Variants in NDUFS6 observed in about 807,000 individuals in gnomAD.
NDUFS6 encodes NADH:ubiquinone oxidoreductase subunit S6, also known as NADH dehydrogenase [ubiquinone] iron-sulfur protein 6, mitochondrial.
A neutral mutation model predicts 13.2 loss-of-function variants in NDUFS6; 14 were observed. That is an observed-to-expected ratio of 1.06 (90% confidence interval 0.70 to 1.66). NDUFS6 has a LOEUF of 1.66. Among genes scored for constraint, NDUFS6 ranks in the 40% most tolerant of loss-of-function variants. The probability of loss-of-function intolerance (pLI) is 0.00; values close to 1 mark genes in which losing one functional copy is unlikely to be tolerated. For missense variants in NDUFS6, 206 were observed against 170.8 expected (o/e 1.21, Z -1.15); for synonymous variants, 95 against 72.3 (o/e 1.31, Z -1.60).
intron 2 of NDUFS6, among the ~76,000 whole-genome samples, chr5:1,813,999 A>G (rs375989402): frequency 1.4e-4 from 22 of 152,352 alleles, no homozygotes; most frequent in South Asian, 8.3e-4. Context: ...GAGCAATACA[A>G]ATGTCCTCAG....
Position 1,814,667 on chromosome 5 carries a change from T to A in NDUFS6, c.309+206T>A, listed in dbSNP as rs1158272518. The A allele has an allele frequency of 2.5e-6, 2 of 798,326 alleles. No homozygotes were observed. Among genetic ancestry groups the A allele is most frequent in the African/African-American group, 3.4e-5 (2 of 58,908 alleles). The allele number at this position is 798,326 out of a possible 1,614,324, so 49.5% of individuals were successfully genotyped here. A position where few individuals can be genotyped will look rare whatever the true frequency, so the allele number is the denominator to read the frequency against. The stretch of plus-strand genomic sequence containing the variant: ...GCCTGTCCGAAAACCCCCTTTCAAC[T>A]GTGAAGTGGTGGGCGGCATGTTTCT... On this transcript the variant is annotated intron_variant, in intron 3 of 3. Transcript: ENST00000274137. The surrounding 1 kb of genome is among the most constrained non-coding windows in gnomAD (Gnocchi z 4.9).
chr5:1,801,413 G>A lies in NDUFS6; in HGVS notation c.-5G>A, dbSNP rs747251672. On this transcript the variant is annotated 5_prime_UTR_variant, in exon 1 of 4. Coordinates refer to ENST00000274137, the MANE Select transcript of NDUFS6 (RefSeq NM_004553.6). ...TTGCGCCGGGTCAAAGGCCAGCGGC[G>A]CAAAATGGCGGCGGCGATGACCTTC... 3 of 1,605,462 alleles carry A rather than the reference G, an allele frequency of 1.9e-6. No individual in the cohort carries two copies. The highest frequency in any genetic ancestry group is 2.2e-5 in the South Asian group (2 of 90,890).
intron 2 of NDUFS6, among the ~76,000 whole-genome samples, chr5:1,812,711 G>T (rs1402613634): frequency 3.3e-5 from 5 of 151,428 alleles, no homozygotes; most frequent in African/African-American, 9.7e-5. Context: ...GGGCAGCAGG[G>T]GTCCTCATTG....
chr5:1,813,932 G>A (rs1022953324), intron 2 of NDUFS6, among the ~76,000 whole-genome samples: 2 of 152,234 alleles, frequency 1.3e-5, no homozygotes, highest in Non-Finnish European at 2.9e-5. Flanking sequence ...CTGCATGGAG[G>A]TTCTGTGAGA....
Position 1,814,400 on chromosome 5 carries a change from G to C in NDUFS6, c.248G>C (p.Arg83Pro), listed in dbSNP as rs1418466771. Residue 83 changes from arginine (R) to proline (P), a missense_variant, in exon 3 of 4, where the codon CGG (arginine) becomes CCG (proline). Arg to Pro is a moderately radical substitution (Grantham distance 103). Coordinates refer to ENST00000274137, the MANE Select transcript of NDUFS6 (RefSeq NM_004553.6). The surrounding 1 kb of genome is among the most constrained non-coding windows in gnomAD (Gnocchi z 4.9). ...AEQPVSEVET[R>P]VIACDGGGGA... ...CAGCCCGTGAGCGAGGTGGAGACTCGGGTGATAGCGTGCGATGGCGGCGGG... is the reference window on the plus strand; with the variant it reads ...CAGCCCGTGAGCGAGGTGGAGACTCCGGTGATAGCGTGCGATGGCGGCGGG... 10 of 1,613,982 alleles carry C rather than the reference G, an allele frequency of 6.2e-6. No homozygotes were observed. The highest frequency in any genetic ancestry group is 8.5e-6 in the Non-Finnish European group (10 of 1,180,018).
chr5:1,804,470 T>G (rs901605660), intron 2 of NDUFS6, among the ~76,000 whole-genome samples: 1 of 152,222 alleles, frequency 6.6e-6, no homozygotes, highest in Non-Finnish European at 1.5e-5. Context: ...GCGTCCTGGT[T>G]GTGACCTCAA....
chr5:1,802,807 A>AG (rs1056473773), intron 2 of NDUFS6, among the ~76,000 whole-genome samples: 1 of 152,142 alleles, frequency 6.6e-6, no homozygotes, highest in African/African-American at 2.4e-5. Flanking sequence ...TTCTTCCCTT[A>AG]GTGGGTCTGT....
intron 2 of NDUFS6, among the ~76,000 whole-genome samples, chr5:1,812,349 A>G (rs1734230879): frequency 6.6e-6 from 1 of 151,866 alleles, no homozygotes; most frequent in African/African-American, 2.4e-5. Context: ...CAACAGAGGA[A>G]CTTTGGGGGA....
rs184562482 is a variant in NDUFS6, at chr5:1,814,699, G to A, written c.309+238G>A. 4.9e-5 allele frequency: 36 copies of A among 729,078 alleles called. No individual in the cohort carries two copies. Among genetic ancestry groups the A allele is most frequent in the African/African-American group, 6.9e-5 (4 of 57,794 alleles). The allele number at this position is 729,078 out of a possible 1,614,324, so 45.2% of individuals were successfully genotyped here. ...TGGTGGGCGGCATGTTTCTCTTCTC[G>A]GACGCCCAAGCGTCTTTCCTCTCTG... is the stretch of plus-strand genomic sequence containing the variant. On this transcript the variant is annotated intron_variant, in intron 3 of 3. Coordinates refer to ENST00000274137, the MANE Select transcript of NDUFS6 (RefSeq NM_004553.6). The surrounding 1 kb of genome is among the most constrained non-coding windows in gnomAD (Gnocchi z 4.9).
At position 1,814,449 on chromosome 5, in the gene NDUFS6, GTA is replaced by G. The variant is rs773292120; in HGVS notation, c.302_303del (p.Ile101LysfsTer37). On this transcript the variant is annotated frameshift_variant, in exon 3 of 4. Coordinates refer to ENST00000274137, the MANE Select transcript of NDUFS6 (RefSeq NM_004553.6). LOFTEE classifies it high-confidence loss of function. This position sits in a 1 kb window ranked among gnomAD's most constrained non-coding sequence, Gnocchi z 4.9. ...GGGALGHPKVYINLDKETKTG... is the reference protein window; with the variant it reads ...GGGALGHPKVXINLDKETKTG... Reference sequence around the variant, plus strand: ...GGGGAGCTCTTGGCCACCCAAAAGTGTATATAAACTTGGTGCGTAGCTGGCCA... The same window carrying G: ...GGGGAGCTCTTGGCCACCCAAAAGTGTATAAACTTGGTGCGTAGCTGGCCA... 6.2e-7 allele frequency: 1 copy of G among 1,614,200 alleles called. No individual in the cohort carries two copies. The highest frequency in any genetic ancestry group is 8.5e-7 in the Non-Finnish European group (1 of 1,180,044).
intron 2 of NDUFS6, among the ~76,000 whole-genome samples, chr5:1,802,744 G>C (rs959180611): frequency 1.8e-4 from 28 of 152,260 alleles, no homozygotes; most frequent in Admixed American, 7.2e-4. Flanking sequence ...ATAAATTAGT[G>C]TGTGTTTTTT....
Position 1,814,255 on chromosome 5 carries a change from C to A in NDUFS6, c.187-84C>A, listed in dbSNP as rs3752844. ...GCACCATAGATTCGTGCTGATGGTA[C>A]ATGAATTTGTGTGTGGTGGGTTAAA... On this transcript the variant is annotated intron_variant, in intron 2 of 3. Transcript: ENST00000274137. The surrounding 1 kb of genome is among the most constrained non-coding windows in gnomAD (Gnocchi z 4.9). The A allele has an allele frequency of 6.3e-7, 1 of 1,575,470 alleles. No homozygotes were observed. Among genetic ancestry groups the A allele is most frequent in the Non-Finnish European group, 8.7e-7 (1 of 1,146,962 alleles).
chr5:1,806,905 A>G (rs1231704672), intron 2 of NDUFS6, among the ~76,000 whole-genome samples: 7 of 152,196 alleles, frequency 4.6e-5, no homozygotes, highest in Non-Finnish European at 1.5e-5. Context: ...TTGGGGGTCC[A>G]TTGTCAGCTG....
intron 1 of NDUFS6, 36 bp downstream of exon 1, chr5:1,801,585 A>C: frequency 8.4e-6 from 13 of 1,545,414 alleles, no homozygotes; most frequent in Non-Finnish European, 1.0e-5. Flanking sequence ...ACCTTCCTCC[A>C]GCCGCACCTC....
intron 2 of NDUFS6, among the ~76,000 whole-genome samples, chr5:1,806,157 G>A (rs114377673): frequency 0.014 from 2,127 of 152,294 alleles, 27 homozygotes; most frequent in Non-Finnish European, 0.023. Flanking sequence ...AAGGAATTAG[G>A]CAGCAAACCC....
Position 1,814,511 on chromosome 5 carries a change from A to T in NDUFS6, c.309+50A>T. 1 of 1,613,652 alleles carries T rather than the reference A, an allele frequency of 6.2e-7. No individual in the cohort carries two copies. Among genetic ancestry groups the T allele is most frequent in the South Asian group, 1.1e-5 (1 of 91,038 alleles). ...ATGTTAGGGCAGCCTGCTCGTCCTC[A>T]TACTCCCCTTCACTCCCAGTGCCTG... On this transcript the variant is annotated intron_variant, in intron 3 of 3. Transcript: ENST00000274137. This position sits in a 1 kb window ranked among gnomAD's most constrained non-coding sequence, Gnocchi z 4.9.
intron 2 of NDUFS6, among the ~76,000 whole-genome samples, chr5:1,806,119 A>G (rs1255877773): frequency 6.6e-6 from 1 of 152,212 alleles, no homozygotes; most frequent in East Asian, 1.9e-4. Context: ...GTCTATACAC[A>G]AGGTCTTTAC....
At chr5:1,803,227 G>A (rs1204228468) in intron 2 of NDUFS6, among the ~76,000 whole-genome samples, 1 of 152,210 alleles carries the variant, frequency 6.6e-6, no homozygotes, top group Non-Finnish European at 1.5e-5. Flanking sequence ...AAGCTCACAT[G>A]ATCATGAATT....
In NDUFS6 at chr5:1,815,942, C is replaced by T; in HGVS notation, c.*26C>T. 2 of 1,613,792 alleles carry T rather than the reference C, an allele frequency of 1.2e-6. No individual in the cohort carries two copies. Among genetic ancestry groups the T allele is most frequent in the Non-Finnish European group, 1.7e-6 (2 of 1,179,618 alleles). On this transcript the variant is annotated 3_prime_UTR_variant, in exon 4 of 4. Transcript: ENST00000274137. ...AGCGTGTGGCACGCCGGGGGTCCCG[C>T]AGCATCCTGTGAGCATTTCCGCGGG... is the stretch of plus-strand genomic sequence containing the variant.
Sources: allele counts gnomAD v4.1 joint callset (sites outside exome capture counted in the v4.1 genomes callset), GRCh38; gene constraint gnomAD v4.1.1; non-coding constraint Gnocchi (gnomAD v3.1); transcripts MANE v1.5; gene names NCBI Gene and HGNC (gene_info 2026-07-23, HGNC 2026-07-21).